Variants in PHACTR4 observed in about 807,000 individuals in gnomAD.
PHACTR4 encodes the protein protein phosphatase 1, regulatory subunit 124.
Under a neutral mutation model 72.7 loss-of-function variants are expected in PHACTR4, and 51 were observed. The observed-to-expected ratio is 0.70, with a 90% confidence interval of 0.56 to 0.89. The LOEUF is 0.89. Among genes scored for constraint, PHACTR4 ranks in the 40% least tolerant of loss-of-function variants. The pLI, the probability that PHACTR4 is intolerant of heterozygous loss-of-function variation, is 0.00. For missense variants in PHACTR4, 731 were observed against 861.8 expected (o/e 0.85, Z 1.90); for synonymous variants, 255 against 302.5 (o/e 0.84, Z 1.63).
chr1:28,482,598 A>G (rs916108245), intron 9 of PHACTR4, among the ~76,000 whole-genome samples: 3 of 152,264 alleles, frequency 2.0e-5, no homozygotes, highest in Middle Eastern at 3.4e-3. Flanking sequence ...TAATTAATTG[A>G]TCATGTCTAC....
At chr1:28,381,892 C>T (rs928826249) in intron 1 of PHACTR4, among the ~76,000 whole-genome samples, 3 of 152,120 alleles carry the variant, frequency 2.0e-5, no homozygotes, top group African/African-American at 7.2e-5. Flanking sequence ...TGTGCTTCAG[C>T]CTCCTGAGTA....
chr1:28,496,679 A>G lies in PHACTR4; in HGVS notation c.*130A>G. ...TCCTCTGGGATCTTCTGAGGTGGAC[A>G]GCACTTTGAATGTAGCATTTCACTG... On this transcript the variant is annotated 3_prime_UTR_variant, in exon 14 of 14. Transcript: ENST00000373839. 9.3e-7 allele frequency: 1 copy of G among 1,070,490 alleles called. No individual in the cohort carries two copies. Among genetic ancestry groups the G allele is most frequent in the Non-Finnish European group, 1.4e-6 (1 of 701,734 alleles). The allele number at this position is 1,070,490 out of a possible 1,614,324, so 66.3% of individuals were successfully genotyped here.
chr1:28,455,003 G>A (rs918420728), intron 2 of PHACTR4, among the ~76,000 whole-genome samples: 3 of 151,670 alleles, frequency 2.0e-5, no homozygotes, highest in African/African-American at 7.3e-5. Context: ...GGGATTATAG[G>A]TGCCTGCCAC....
At chr1:28,437,665 G>C (rs1364754221) in intron 2 of PHACTR4, among the ~76,000 whole-genome samples, 2 of 152,148 alleles carry the variant, frequency 1.3e-5, no homozygotes, top group Non-Finnish European at 2.9e-5. Flanking sequence ...GATGGAAAAA[G>C]AGAACTCTCT....
At chr1:28,396,719 C>G (rs976777980) in intron 1 of PHACTR4, among the ~76,000 whole-genome samples, 4 of 149,252 alleles carry the variant, frequency 2.7e-5, no homozygotes, top group Non-Finnish European at 5.9e-5. Flanking sequence ...AGTGCAATGG[C>G]GCAATCTCGG....
At chr1:28,461,877 A>G (rs1658833873) in intron 4 of PHACTR4, among the ~76,000 whole-genome samples, 1 of 147,034 alleles carries the variant, frequency 6.8e-6, no homozygotes, top group Non-Finnish European at 1.5e-5. Context: ...GTATGTGACT[A>G]GTTATGAGCA....
chr1:28,449,114 A>G (rs1296302419), intron 2 of PHACTR4, among the ~76,000 whole-genome samples: 1 of 152,082 alleles, frequency 6.6e-6, no homozygotes, highest in Non-Finnish European at 1.5e-5. Flanking sequence ...TTGTATTCCA[A>G]GCTGGGTGAA....
At chr1:28,453,784 A>G in intron 2 of PHACTR4, 1 of 920,090 alleles carries the variant, frequency 1.1e-6, no homozygotes, top group Non-Finnish European at 1.8e-6. Context: ...GCAGTTATCC[A>G]CATTGGTGCG....
Position 28,400,970 on chromosome 1 carries a change from G to C in PHACTR4, c.-38-6440G>C, listed in dbSNP as rs574861645. On this transcript the variant is annotated intron_variant, in intron 1 of 13. Transcript: ENST00000373839. ...GCCTTCAAATCTTGTTCCCATGGCT[G>C]TCTTGAGTAATCACCTGTCTGGAGT... Among the ~76,000 whole-genome samples the C allele has an allele frequency of 7.9e-5, 12 of 152,298 alleles. No individual in the cohort carries two copies. The South Asian group carries it at 2.5e-3, about 32-fold the overall frequency.
chr1:28,489,211 G>A lies in PHACTR4; in HGVS notation c.1802G>A (p.Arg601His), dbSNP rs1660888440. 3 of 1,611,312 alleles carry A rather than the reference G, an allele frequency of 1.9e-6. No individual in the cohort carries two copies. The highest frequency in any genetic ancestry group is 2.5e-6 in the Non-Finnish European group (3 of 1,178,378). Residue 601 changes from arginine to histidine, a missense_variant, in exon 10 of 14, where the codon CGC becomes CAC. This residue lies in a region of PHACTR4 where 110 missense variants were observed against 185.2 expected (regional missense o/e 0.59). Coordinates refer to ENST00000373839, the MANE Select transcript of PHACTR4 (RefSeq NM_001048183.3). Reference sequence around the variant, plus strand: ...CCAACACCAGAAGAACTAGAACAACGCAATATATTGCAACGTGAGTCCAGT... The same window carrying A: ...CCAACACCAGAAGAACTAGAACAACACAATATATTGCAACGTGAGTCCAGT... ...QRPTPEELEQ[R>H]NILQPKNEAD...
At chr1:28,448,330 A>G (rs950034379) in intron 2 of PHACTR4, among the ~76,000 whole-genome samples, 1 of 151,856 alleles carries the variant, frequency 6.6e-6, no homozygotes, top group African/African-American at 2.4e-5. Flanking sequence ...TCCTGACCTC[A>G]GGTGATCACA....
chr1:28,491,899 T>C (rs937823436), intron 12 of PHACTR4, 112 bp downstream of exon 12: 12 of 1,259,046 alleles, frequency 9.5e-6, no homozygotes, highest in Non-Finnish European at 8.5e-6. Context: ...CTAGTTTTAA[T>C]ATAATATTAA....
intron 1 of PHACTR4, among the ~76,000 whole-genome samples, chr1:28,377,993 T>A (rs938136520): frequency 2.1e-5 from 3 of 146,100 alleles, no homozygotes; most frequent in Non-Finnish European, 3.0e-5. Context: ...GTCAGGAGAT[T>A]GAGACCATCC....
chr1:28,409,009 A>G (rs558470737), intron 2 of PHACTR4, among the ~76,000 whole-genome samples: 1 of 152,182 alleles, frequency 6.6e-6, no homozygotes, highest in South Asian at 2.1e-4. Context: ...TAGCCTGTGT[A>G]TATTTCATCT....
intron 1 of PHACTR4, among the ~76,000 whole-genome samples, chr1:28,385,477 A>G (rs1325422987): frequency 5.0e-5 from 7 of 138,930 alleles, no homozygotes. Flanking sequence ...CTGGAGGCGG[A>G]GGTTGCAGTG....
intron 1 of PHACTR4, among the ~76,000 whole-genome samples, chr1:28,388,124 A>C (rs771081700): frequency 2.0e-5 from 3 of 151,968 alleles, no homozygotes; most frequent in Admixed American, 6.6e-5. Context: ...CAGGAGACTG[A>C]GGATGCAGTA....
chr1:28,434,071 C>T (rs1047364309), intron 2 of PHACTR4, among the ~76,000 whole-genome samples: 1 of 152,182 alleles, frequency 6.6e-6, no homozygotes, highest in African/African-American at 2.4e-5. Context: ...AGCCACTGCA[C>T]CTGTCTAAAT....
chr1:28,446,885 C>T (rs900900206), intron 2 of PHACTR4, among the ~76,000 whole-genome samples: 1 of 152,152 alleles, frequency 6.6e-6, no homozygotes, highest in Non-Finnish European at 1.5e-5. Flanking sequence ...ATTGTAAGTT[C>T]CTGCAGCTTC....
intron 2 of PHACTR4, among the ~76,000 whole-genome samples, chr1:28,446,478 G>A (rs1657476073): frequency 6.6e-6 from 1 of 152,140 alleles, no homozygotes; most frequent in Non-Finnish European, 1.5e-5. Context: ...CATGAGATCT[G>A]GTCATTTAAA....
Sources: gnomAD v4.1 joint callset for allele counts (sites outside exome capture counted in the v4.1 genomes callset) on GRCh38, gnomAD v4.1.1 for gene constraint, gnomAD v4.1.1 regional missense constraint, MANE v1.5 for transcripts, NCBI Gene and HGNC (gene_info 2026-07-23, HGNC 2026-07-21) for gene names.